KIF7: variants seen among roughly 807,000 people sequenced by gnomAD.
KIF7 encodes kinesin-like protein KIF7.
KIF7 carries 104 observed loss-of-function variants against 135.7 expected under a neutral mutation model. The ratio of observed to expected loss-of-function variants is 0.77; its 90% CI spans 0.65 to 0.90. The LOEUF (loss-of-function observed/expected upper bound fraction) is 0.90, where lower values mean the gene tolerates loss of function less well. Ranked by LOEUF, KIF7 falls within the 40% of genes least tolerant of loss-of-function variation. The pLI, the probability that KIF7 is intolerant of heterozygous loss-of-function variation, is 0.00. For missense variants in KIF7, 2,005 were observed against 1,839.1 expected (o/e 1.09, Z -1.65); for synonymous variants, 883 against 809.4 (o/e 1.09, Z -1.54).
In KIF7 at chr15:89,648,478, G is replaced by A. The variant is rs587780375; in HGVS notation, c.1220C>T (p.Ala407Val). Reference protein sequence around the residue: ...ASAAAAMRLGAECARYRACTD... With the variant: ...ASAAAAMRLGVECARYRACTD... Reference sequence around the variant, plus strand: ...GCAGGCCCGGTAGCGCGCGCACTCGGCGCCCAGGCGCATGGCGGCCGCCGC... The same window carrying A: ...GCAGGCCCGGTAGCGCGCGCACTCGACGCCCAGGCGCATGGCGGCCGCCGC... Residue 407 changes from alanine (A) to valine (V), a missense_variant, in exon 5 of 19, where the codon GCC becomes GTC. Transcript: ENST00000394412. 4.5e-5 allele frequency: 47 copies of A among 1,044,718 alleles called. No individual in the cohort carries two copies. The highest frequency in any genetic ancestry group is 5.7e-5 in the Admixed American group (1 of 17,520). The allele number at this position is 1,044,718 out of a possible 1,614,324, so 64.7% of individuals were successfully genotyped here.
chr15:89,632,955 C>T lies in KIF7; in HGVS notation c.2760G>A (p.Glu920=), dbSNP rs777277054. Residue 920 remains glutamate, a synonymous_variant, in exon 14 of 19, where the codon GAG becomes GAA. Coordinates refer to ENST00000394412, the MANE Select transcript of KIF7 (RefSeq NM_198525.3). ...EQKKWLDQEM[E]KVLQQRRALE... ...GCGCCCGCCGCTGCTGTAGCACCTT[C>T]TCCATCTCCTGGTCCAGCCACTTCT... The T allele has an allele frequency of 1.2e-5, 19 of 1,606,708 alleles. 1 individual carries two copies. The highest frequency in any genetic ancestry group is 4.4e-5 in the South Asian group (4 of 90,972).
Position 89,630,310 on chromosome 15 carries a change from G to C in KIF7, c.3295C>G (p.Leu1099Val), listed in dbSNP as rs1450512577. The change falls in exon 16 of 19, where the codon CTC becomes GTC. Residue 1099 changes from leucine to valine, a missense_variant. Coordinates refer to ENST00000394412, the MANE Select transcript of KIF7 (RefSeq NM_198525.3). ...ACCTTGTCAAAATACTTGCAGAGGA[G>C]GGCTCTGGTCTCTGAGGATGAGAGG... is the stretch of plus-strand genomic sequence containing the variant. The part of the protein sequence containing the change: ...SYLSSSETRA[L>V]LCKYFDKVVT... The C allele has an allele frequency of 6.2e-7, 1 of 1,614,156 alleles. No homozygotes were observed.
chr15:89,633,620 C>G, intron 12 of KIF7, 66 bp downstream of exon 12: 5 of 1,557,380 alleles, frequency 3.2e-6, no homozygotes, highest in Non-Finnish European at 4.3e-6. Flanking sequence ...CTGGGCTCCC[C>G]TGGCTGGGCC....
Position 89,648,955 on chromosome 15 carries a change from G to A in KIF7, c.923+19C>T, listed in dbSNP as rs546316306. ...CCTCCCCGGCCCCCAGGCCACATAGGAGCCAGGGGGCAGCTCACCGGGTGA... is the reference window on the plus strand; with the variant it reads ...CCTCCCCGGCCCCCAGGCCACATAGAAGCCAGGGGGCAGCTCACCGGGTGA... On this transcript the variant is annotated intron_variant, in intron 4 of 18. Coordinates refer to ENST00000394412, the MANE Select transcript of KIF7 (RefSeq NM_198525.3). 64 of 1,520,514 alleles carry A rather than the reference G, an allele frequency of 4.2e-5. No individual in the cohort carries two copies. In the East Asian group the frequency reaches 5.2e-4, roughly 12 times the overall value. The allele number at this position is 1,520,514 out of a possible 1,614,324, so 94.2% of individuals were successfully genotyped here. A position where few individuals can be genotyped will look rare whatever the true frequency, so the allele number is the denominator to read the frequency against.
chr15:89,653,097 T>C (rs1489987141), intron 1 of KIF7, 143 bp from the exon 2 acceptor site: 6 of 630,328 alleles, frequency 9.5e-6, no homozygotes, highest in African/African-American at 1.8e-5. Flanking sequence ...AATATCCCCA[T>C]GTCCAACCTG....
At chr15:89,624,945 A>G (rs1421460598), downstream of KIF7, 3 of 1,614,116 alleles carry the variant, frequency 1.9e-6, no homozygotes, top group Non-Finnish European at 2.5e-6. Context: ...ACCTGCCAGC[A>G]TCAGCTTGGC....
intron 9 of KIF7, 30 bp from the exon 10 acceptor site, chr15:89,645,195 C>A (rs747652192): frequency 6.2e-7 from 1 of 1,605,340 alleles, no homozygotes; most frequent in Non-Finnish European, 8.5e-7. Context: ...AAGGTTGCTG[C>A]CCCAACTGAC....
the KIF7 span, among the ~76,000 whole-genome samples, chr15:89,662,735 G>A: frequency 1.3e-5 from 2 of 152,154 alleles, no homozygotes; most frequent in Non-Finnish European, 2.9e-5. Flanking sequence ...TTGCCAAAGT[G>A]ATGCCCCGCA....
At position 89,633,160 on chromosome 15, in the gene KIF7, A is replaced by G. The variant is rs780978317; in HGVS notation, c.2699T>C (p.Val900Ala). Residue 900 changes from valine to alanine, a missense_variant, in exon 13 of 19, where the codon GTC (valine) becomes GCC (alanine). By Grantham distance (64) the Val-to-Ala change is moderately conservative (BLOSUM62 0). Transcript: ENST00000394412. ...CCCCACCTGCTGCTGTTCCAGGCTG[A>G]CCACAGAGCCGTTGCTGCCACTGCG... ...KRRSGSNGSV[V>A]SLEQQQKIEE... 1 of 1,603,800 alleles carries G rather than the reference A, an allele frequency of 6.2e-7. No homozygotes were observed. Among genetic ancestry groups the G allele is most frequent in the South Asian group, 1.1e-5 (1 of 90,860 alleles).
intron 16 of KIF7, 32 bp from the exon 17 acceptor site, chr15:89,629,605 ATCATGACCCCTCTTCATCCAGCTAATCC>A (rs775055936): frequency 1.9e-6 from 3 of 1,600,652 alleles, no homozygotes; most frequent in Non-Finnish European, 2.5e-6. Context: ...CTCAGCCCTC[ATCATGACCCCTCTTCATCCAGCTAATCC>A]TCAATCACAG....
intron 11 of KIF7, among the ~76,000 whole-genome samples, chr15:89,639,204 G>A (rs1003192750): frequency 2.6e-5 from 4 of 152,134 alleles, no homozygotes; most frequent in Admixed American, 6.5e-5. Flanking sequence ...GAAAACCTAG[G>A]CATTACCATT....
At chr15:89,643,249 A>T (rs1249530565) in intron 10 of KIF7, among the ~76,000 whole-genome samples, 1 of 152,220 alleles carries the variant, frequency 6.6e-6, no homozygotes, top group Non-Finnish European at 1.5e-5. Context: ...TGTACTGACC[A>T]TTTACAGATT....
At chr15:89,660,022 A>C (rs2350480), upstream of KIF7, among the ~76,000 whole-genome samples, 126,594 of 152,094 alleles carry the variant, frequency 0.83, 53,170 homozygotes, top group Non-Finnish European at 0.91. Flanking sequence ...CATGCTGAAA[A>C]CCCATCTCTA....
At position 89,649,161 on chromosome 15, in the gene KIF7, A is replaced by G; in HGVS notation, c.736T>C (p.Ser246Pro). 1 of 1,548,132 alleles carries G rather than the reference A, an allele frequency of 6.5e-7. No individual in the cohort carries two copies. Among genetic ancestry groups the G allele is most frequent in the South Asian group, 1.2e-5 (1 of 84,044 alleles). Residue 246 changes from serine (S) to proline (P), a missense_variant, in exon 4 of 19, where the codon TCC becomes CCC. Physicochemically the swap from Ser to Pro is moderately conservative, Grantham distance 74 (BLOSUM62 -1). Coordinates refer to ENST00000394412, the MANE Select transcript of KIF7 (RefSeq NM_198525.3). ...PRPAPGQLLV[S>P]KFHFVDLAGS... The stretch of plus-strand genomic sequence containing the variant: ...GCCAGGTCCACGAAGTGGAACTTGG[A>G]GACGAGCAGCTGGCCCGGGGCGGGG...
intron 11 of KIF7, among the ~76,000 whole-genome samples, chr15:89,640,909 A>G (rs1963907659): frequency 6.6e-6 from 1 of 152,050 alleles, no homozygotes; most frequent in African/African-American, 2.4e-5. Context: ...AGGCTGAGGC[A>G]TAAGGATCAC....
In KIF7 at chr15:89,646,998, C is replaced by A. The variant is rs1964025856; in HGVS notation, c.1620G>T (p.Leu540=). 1 of 1,612,558 alleles carries A rather than the reference C, an allele frequency of 6.2e-7. No individual in the cohort carries two copies. Among genetic ancestry groups the A allele is most frequent in the Non-Finnish European group, 8.5e-7 (1 of 1,179,582 alleles). ...GCGGGCCCCCCCAGCCTGGCCGCACCAGCTCTAACCGCAGCCGCAGTTCCA... is the reference window on the plus strand; with the variant it reads ...GCGGGCCCCCCCAGCCTGGCCGCACAAGCTCTAACCGCAGCCGCAGTTCCA... The part of the protein sequence containing the change: ...EMVELRLRLE[L]VRPGWGGPRL... The change falls in exon 7 of 19, where the codon CTG becomes CTT. Residue 540 remains leucine, a synonymous_variant. Coordinates refer to ENST00000394412, the MANE Select transcript of KIF7 (RefSeq NM_198525.3).
intron 11 of KIF7, 97 bp from the exon 12 acceptor site, chr15:89,633,980 A>G: frequency 7.7e-7 from 1 of 1,297,024 alleles, no homozygotes; most frequent in Non-Finnish European, 1.1e-6. Flanking sequence ...TAGAGGGCAA[A>G]TGGGTAGGTG....
At chr15:89,658,466 G>A (rs1964228038), upstream of KIF7, among the ~76,000 whole-genome samples, 2 of 150,282 alleles carry the variant, frequency 1.3e-5, no homozygotes, top group Admixed American at 1.3e-4. Flanking sequence ...GAGAGAGAGA[G>A]AAAACACAAC....
intron 11 of KIF7, among the ~76,000 whole-genome samples, chr15:89,641,204 G>C (rs1246602062): frequency 6.6e-6 from 1 of 151,974 alleles, no homozygotes. Context: ...CTCATGACAA[G>C]AGGAAGAGAT....
Sources: allele counts gnomAD v4.1 joint callset (sites outside exome capture counted in the v4.1 genomes callset), GRCh38; gene constraint gnomAD v4.1.1; transcripts MANE v1.5; gene names NCBI Gene and HGNC (gene_info 2026-07-23, HGNC 2026-07-21).